Variants in DRC11 observed in about 807,000 individuals in gnomAD.
The protein encoded by DRC11 is IQ and AAA domain-containing protein 1.
the DRC11 span, among the ~76,000 whole-genome samples, chr2:236,389,016 C>G: frequency 2.6e-5 from 4 of 151,988 alleles, no homozygotes; most frequent in Non-Finnish European, 4.4e-5. Flanking sequence ...GCAGTCTGCC[C>G]GTTCTCAGAT....
chr2:236,442,351 T>C, the DRC11 span, among the ~76,000 whole-genome samples: 1 of 152,302 alleles, frequency 6.6e-6, no homozygotes, highest in East Asian at 1.9e-4. Context: ...TCTGTGGAAA[T>C]CTTTTGTTTT....
chr2:236,307,498 A>G, the DRC11 span, among the ~76,000 whole-genome samples: 2 of 152,210 alleles, frequency 1.3e-5, no homozygotes, highest in Admixed American at 1.3e-4. This position sits in a 1 kb window ranked among gnomAD's most constrained non-coding sequence, Gnocchi z 7.0. Flanking sequence ...GTGACTTGTC[A>G]AGACAGCAAC....
the DRC11 span, chr2:236,408,591 T>C: frequency 5.4e-5 from 39 of 727,382 alleles, 1 homozygote; most frequent in Admixed American, 5.1e-4. This position sits in a 1 kb window ranked among gnomAD's most constrained non-coding sequence, Gnocchi z 5.5. Context: ...GGCAGTGACA[T>C]GGATGACTTG....
the DRC11 span, chr2:236,494,037 T>C: frequency 1.7e-6 from 1 of 597,776 alleles, no homozygotes; most frequent in African/African-American, 1.9e-5. This position sits in a 1 kb window ranked among gnomAD's most constrained non-coding sequence, Gnocchi z 4.2. Flanking sequence ...GCCAGCGGAG[T>C]GAGGAGAATT....
the DRC11 span, among the ~76,000 whole-genome samples, chr2:236,483,042 T>C: frequency 9.2e-5 from 14 of 152,206 alleles, no homozygotes; most frequent in Admixed American, 9.2e-4. The surrounding 1 kb of genome is among the most constrained non-coding windows in gnomAD (Gnocchi z 4.8). Context: ...CAACTCCCCT[T>C]TTCTCCTTCC....
At chr2:236,479,978 GT>G in the DRC11 span, among the ~76,000 whole-genome samples, 2 of 148,412 alleles carry the variant, frequency 1.3e-5, no homozygotes, top group Non-Finnish European at 3.0e-5. This position sits in a 1 kb window ranked among gnomAD's most constrained non-coding sequence, Gnocchi z 4.1. Context: ...TCTTCTTCAT[GT>G]TTGAAGTTCA....
the DRC11 span, among the ~76,000 whole-genome samples, chr2:236,337,845 T>G: frequency 3.3e-5 from 5 of 150,192 alleles, no homozygotes; most frequent in East Asian, 5.8e-4. This position sits in a 1 kb window ranked among gnomAD's most constrained non-coding sequence, Gnocchi z 4.9. Flanking sequence ...GAAAAGAAAC[T>G]ACACTCTATG....
chr2:236,326,545 GCTTT>G, the DRC11 span, among the ~76,000 whole-genome samples: 11 of 152,028 alleles, frequency 7.2e-5, no homozygotes, highest in South Asian at 2.1e-4. Context: ...TAATTTCTAA[GCTTT>G]CTTTCTTTTT....
At chr2:236,423,578 T>C in the DRC11 span, among the ~76,000 whole-genome samples, 1 of 152,118 alleles carries the variant, frequency 6.6e-6, no homozygotes, top group Non-Finnish European at 1.5e-5. Flanking sequence ...TGTGGAGAAA[T>C]AGGAACACTT....
the DRC11 span, chr2:236,368,849 T>C: frequency 1.3e-5 from 2 of 152,682 alleles, no homozygotes; most frequent in Non-Finnish European, 2.9e-5. Context: ...TTCATTTACA[T>C]TTTTATCATT....
the DRC11 span, among the ~76,000 whole-genome samples, chr2:236,467,864 A>G: frequency 1.3e-5 from 2 of 152,250 alleles, no homozygotes; most frequent in Non-Finnish European, 1.5e-5. Context: ...AATTAGTTAA[A>G]TGTAACACAA....
the DRC11 span, among the ~76,000 whole-genome samples, chr2:236,342,398 C>A: frequency 6.6e-6 from 1 of 152,200 alleles, no homozygotes; most frequent in South Asian, 2.1e-4. The surrounding 1 kb of genome is among the most constrained non-coding windows in gnomAD (Gnocchi z 5.8). Context: ...GCCTCTGCTG[C>A]CCTTGGCTTT....
chr2:236,358,323 TGAATATATA>T, the DRC11 span, among the ~76,000 whole-genome samples: 1 of 133,518 alleles, frequency 7.5e-6, no homozygotes, highest in African/African-American at 3.0e-5. Context: ...ATATACTATA[TGAATATATA>T]TGATATATAG....
the DRC11 span, among the ~76,000 whole-genome samples, chr2:236,491,186 C>G: frequency 7.1e-5 from 3 of 42,008 alleles, no homozygotes; most frequent in Admixed American, 2.3e-4. Flanking sequence ...TATATACACA[C>G]AGTATATATA....
the DRC11 span, among the ~76,000 whole-genome samples, chr2:236,407,050 T>G: frequency 6.6e-6 from 1 of 152,160 alleles, no homozygotes; most frequent in African/African-American, 2.4e-5. Context: ...CAGCCACATC[T>G]CCACTATTTT....
chr2:236,419,050 A>C, the DRC11 span: 1 of 1,421,254 alleles, frequency 7.0e-7, no homozygotes, highest in Non-Finnish European at 9.2e-7. This position sits in a 1 kb window ranked among gnomAD's most constrained non-coding sequence, Gnocchi z 4.8. Context: ...AAACGGCTGC[A>C]CTCCCAACAG....
the DRC11 span, among the ~76,000 whole-genome samples, chr2:236,485,887 C>T: frequency 6.6e-6 from 1 of 152,200 alleles, no homozygotes; most frequent in African/African-American, 2.4e-5. Flanking sequence ...CATGCAGAAA[C>T]ATCTCTAGCA....
At chr2:236,343,759 G>A in the DRC11 span, 1 of 1,303,614 alleles carries the variant, frequency 7.7e-7, no homozygotes, top group Non-Finnish European at 1.0e-6. The surrounding 1 kb of genome is among the most constrained non-coding windows in gnomAD (Gnocchi z 6.6). Context: ...AGCAGAGGGA[G>A]TGAACTACAA....
chr2:236,456,097 AC>A, the DRC11 span, among the ~76,000 whole-genome samples: 1 of 152,328 alleles, frequency 6.6e-6, no homozygotes, highest in East Asian at 1.9e-4. The surrounding 1 kb of genome is among the most constrained non-coding windows in gnomAD (Gnocchi z 5.4). Context: ...AATATGGGGT[AC>A]TATGGATATG....
Sources: allele counts gnomAD v4.1 joint callset (sites outside exome capture counted in the v4.1 genomes callset), GRCh38; gene constraint gnomAD v4.1.1; non-coding constraint Gnocchi (gnomAD v3.1); transcripts MANE v1.5; gene names NCBI Gene and HGNC (gene_info 2026-07-23, HGNC 2026-07-21).